Variants in CDH23 observed in about 807,000 individuals in gnomAD.
The protein encoded by CDH23 is cadherin related 23.
A neutral mutation model predicts 317.1 loss-of-function variants in CDH23; 189 were observed. The observed-to-expected ratio is 0.60, with a 90% CI of 0.53 to 0.67. The LOEUF is 0.67. CDH23 is among the 30% of genes least tolerant of loss of function. The pLI is 0.00. For synonymous variants in CDH23, 1,839 were observed against 1,876.8 expected (o/e 0.98, Z 0.52); for missense variants, 4,401 against 4,592.4 (o/e 0.96, Z 1.20).
intron 3 of CDH23, among the ~76,000 whole-genome samples, chr10:71,465,134 C>T (rs73283743): frequency 0.054 from 8,237 of 152,316 alleles, 740 homozygotes; most frequent in African/African-American, 0.18. Context: ...GTAGAGTTAA[C>T]TTTCTTACTC....
In CDH23 at chr10:71,694,175, C is replaced by T; in HGVS notation, c.2205C>T (p.Asp735=). ...SGEITTTSLL[D]RETKSEYILI... ...AAATCACCACCACGTCTCTGCTTGA[C>T]CGAGAGACCAAGTCTGAATACATCC... The change falls in exon 21 of 70, where the codon GAC becomes GAT. Residue 735 remains aspartate, a synonymous_variant. Transcript: ENST00000224721. 6.2e-7 allele frequency: 1 copy of T among 1,613,794 alleles called. No homozygotes were observed. Among genetic ancestry groups the T allele is most frequent in the East Asian group, 2.2e-5 (1 of 44,852 alleles).
intron 9 of CDH23, among the ~76,000 whole-genome samples, chr10:71,582,218 G>A (rs1023983888): frequency 6.6e-6 from 1 of 152,226 alleles, no homozygotes; most frequent in African/African-American, 2.4e-5. Flanking sequence ...CGCTGTCCAT[G>A]GTAGTGACCT....
At chr10:71,809,167 C>CTTTTTTTTTT (rs61078259) in intron 60 of CDH23, among the ~76,000 whole-genome samples, 57 of 68,824 alleles carry the variant, frequency 8.3e-4, no homozygotes, top group Non-Finnish European at 9.7e-4. Flanking sequence ...TTTCTTTTTC[C>CTTTTTTTTTT]TTTTTTTTTT....
chr10:71,558,293 C>A (rs1452746493), intron 6 of CDH23, among the ~76,000 whole-genome samples: 1 of 152,178 alleles, frequency 6.6e-6, no homozygotes, highest in South Asian at 2.1e-4. Flanking sequence ...AGCCACCATG[C>A]CTGGCCTGTA....
At chr10:71,797,060 A>G in intron 48 of CDH23, 44 bp from the exon 49 acceptor site, 13 of 1,331,278 alleles carry the variant, frequency 9.8e-6, no homozygotes, top group African/African-American at 1.4e-5. Context: ...GGCAGATTTT[A>G]GGGGGTTCTT....
chr10:71,779,043 C>T (rs1333548292), intron 40 of CDH23, among the ~76,000 whole-genome samples: 2 of 152,166 alleles, frequency 1.3e-5, no homozygotes, highest in Non-Finnish European at 2.9e-5. Flanking sequence ...TGGCCAATAG[C>T]ATTTTTATTA....
intron 66 of CDH23, 131 bp from the exon 67 acceptor site, chr10:71,812,349 G>T (rs759075962): frequency 6.3e-7 from 1 of 1,599,696 alleles, no homozygotes; most frequent in Admixed American, 1.7e-5. Context: ...AGGCACCAGG[G>T]CCTCACACCC....
intron 38 of CDH23, among the ~76,000 whole-genome samples, chr10:71,747,196 G>A (rs539201553): frequency 5.3e-4 from 80 of 152,302 alleles, no homozygotes; most frequent in Admixed American, 1.2e-3. Context: ...GCTGCTGAGG[G>A]TTTCTCCCTT....
chr10:71,709,290 T>A, intron 27 of CDH23, 79 bp downstream of exon 27: 1 of 1,278,726 alleles, frequency 7.8e-7, no homozygotes, highest in Non-Finnish European at 1.1e-6. Flanking sequence ...GCTGGCCTTT[T>A]GCTAAAGGCT....
intron 22 of CDH23, among the ~76,000 whole-genome samples, chr10:71,700,206 G>A (rs1865531648): frequency 6.6e-6 from 1 of 152,160 alleles, no homozygotes; most frequent in Non-Finnish European, 1.5e-5. Context: ...GGCCAACATG[G>A]TAAAACCTTG....
intron 25 of CDH23, among the ~76,000 whole-genome samples, chr10:71,705,877 G>A (rs951879394): frequency 6.6e-6 from 1 of 152,118 alleles, no homozygotes; most frequent in Non-Finnish European, 1.5e-5. Flanking sequence ...GATGGTAGGG[G>A]GCGGGGGAGG....
chr10:71,789,256 C>G (rs549107229), intron 45 of CDH23, among the ~76,000 whole-genome samples: 3 of 152,294 alleles, frequency 2.0e-5, no homozygotes, highest in African/African-American at 7.2e-5. Context: ...TTGGAAGAGA[C>G]AGTCGTGGTC....
intron 8 of CDH23, among the ~76,000 whole-genome samples, chr10:71,576,588 G>C (rs1351740469): frequency 6.6e-6 from 1 of 152,158 alleles, no homozygotes; most frequent in African/African-American, 2.4e-5. Context: ...CCCTTCATTA[G>C]CCATGCAGAT....
intron 6 of CDH23, among the ~76,000 whole-genome samples, chr10:71,518,600 T>C (rs1202026645): frequency 6.6e-6 from 1 of 152,196 alleles, no homozygotes; most frequent in African/African-American, 2.4e-5. Flanking sequence ...AGTGTTAGTG[T>C]GCTGCAGAGG....
chr10:71,442,850 T>TCA (rs1849959437), intron 2 of CDH23, among the ~76,000 whole-genome samples: 2 of 152,138 alleles, frequency 1.3e-5, no homozygotes, highest in Non-Finnish European at 2.9e-5. Context: ...CACGCTGCAG[T>TCA]CACCTCAATG....
intron 22 of CDH23, among the ~76,000 whole-genome samples, chr10:71,696,986 C>G (rs913122841): frequency 6.6e-6 from 1 of 152,236 alleles, no homozygotes; most frequent in Non-Finnish European, 1.5e-5. Flanking sequence ...CACCTCTGAA[C>G]ACCTTCTGGT....
chr10:71,406,278 G>T (rs532146313), intron 1 of CDH23, among the ~76,000 whole-genome samples: 2 of 152,194 alleles, frequency 1.3e-5, no homozygotes, highest in Admixed American at 1.3e-4. Flanking sequence ...TTGCAGCAAC[G>T]TGGAGTGTTT....
intron 22 of CDH23, among the ~76,000 whole-genome samples, chr10:71,695,962 G>A (rs187089915): frequency 6.6e-6 from 1 of 152,146 alleles, no homozygotes; most frequent in Admixed American, 6.5e-5. Flanking sequence ...CCTCCCCCAC[G>A]GGCTGGCCCC....
intron 23 of CDH23, 108 bp downstream of exon 23, chr10:71,702,319 T>C: frequency 1.6e-6 from 2 of 1,274,962 alleles, no homozygotes; most frequent in Non-Finnish European, 2.2e-6. Flanking sequence ...CTATGTCTGA[T>C]CACCAAGAGT....
Sources: allele counts gnomAD v4.1 joint callset (sites outside exome capture counted in the v4.1 genomes callset), GRCh38; gene constraint gnomAD v4.1.1; transcripts MANE v1.5; gene names NCBI Gene and HGNC (gene_info 2026-07-23, HGNC 2026-07-21).